ZNF676: variants seen among roughly 807,000 people sequenced by gnomAD.
ZNF676 encodes zinc finger protein 676.
In ZNF676, 4 loss-of-function variants were observed where a neutral mutation model predicts 6.0. The ratio of observed to expected loss-of-function variants is 0.67; its 90% CI spans 0.33 to 1.53. ZNF676 has a LOEUF of 1.53. Among genes scored for constraint, ZNF676 ranks in the 40% most tolerant of loss-of-function variants. The pLI is 0.06. For missense variants in ZNF676, 644 were observed against 679.7 expected, an observed-to-expected ratio of 0.95 and a Z score of 0.58; for synonymous variants, 198 against 223.1, an observed-to-expected ratio of 0.89 and a Z score of 1.00.
chr19:22,182,091 G>T (rs2023763654), intron 2 of ZNF676, among the ~76,000 whole-genome samples: 1 of 152,116 alleles, frequency 6.6e-6, no homozygotes, highest in Non-Finnish European at 1.5e-5. Flanking sequence ...GAGATCAAAG[G>T]TAAATGCACT....
At chr19:22,208,917 G>A (rs2024102422) in intron 1 of ZNF676, among the ~76,000 whole-genome samples, 1 of 151,720 alleles carries the variant, frequency 6.6e-6, no homozygotes, top group South Asian at 2.1e-4. Context: ...CTGCAGCCTG[G>A]GAAAGAAAGT....
At chr19:22,256,104 G>C in the ZNF676 span, among the ~76,000 whole-genome samples, 1 of 152,318 alleles carries the variant, frequency 6.6e-6, no homozygotes, top group Non-Finnish European at 1.5e-5. Context: ...ATAGGTGAGA[G>C]TGTGGTAATC....
chr19:22,246,899 G>T, the ZNF676 span, among the ~76,000 whole-genome samples: 1 of 152,198 alleles, frequency 6.6e-6, no homozygotes, highest in Non-Finnish European at 1.5e-5. Flanking sequence ...TATATTAGCT[G>T]CTCTGCCTAT....
At position 22,181,258 on chromosome 19, in the gene ZNF676, A is replaced by G. The variant is rs1442666869; in HGVS notation, c.459T>C (p.Leu153=). The part of the protein sequence containing the change: ...CKEYVRSFCM[L]SHLSQHERIY... Reference sequence around the variant, plus strand: ...TTCTTTCATGTTGAGATAGGTGTGAAAGCATGCAAAATGATCTGACATATT... The same window carrying G: ...TTCTTTCATGTTGAGATAGGTGTGAGAGCATGCAAAATGATCTGACATATT... The change falls in exon 3 of 3, where the codon CTT becomes CTC. Residue 153 remains leucine, a synonymous_variant. Transcript: ENST00000397121. The G allele has an allele frequency of 1.9e-6, 3 of 1,613,674 alleles. No homozygotes were observed. The highest frequency in any genetic ancestry group is 3.3e-5 in the Admixed American group (2 of 59,964).
At chr19:22,205,688 ATCC>A (rs1568534228) in intron 1 of ZNF676, among the ~76,000 whole-genome samples, 2 of 152,168 alleles carry the variant, frequency 1.3e-5, no homozygotes, top group African/African-American at 4.8e-5. Context: ...ATATCATTAA[ATCC>A]TCAGATCAAA....
At chr19:22,192,180 AAACT>A (rs1407317235) in intron 2 of ZNF676, among the ~76,000 whole-genome samples, 2 of 152,164 alleles carry the variant, frequency 1.3e-5, no homozygotes, top group African/African-American at 4.8e-5. Context: ...CCATACACTT[AAACT>A]ATCTGATAAA....
At chr19:22,222,075 G>A in the ZNF676 span, among the ~76,000 whole-genome samples, 1 of 151,606 alleles carries the variant, frequency 6.6e-6, no homozygotes. Context: ...TTATACTTCT[G>A]AAGCACAGAA....
At chr19:22,183,545 C>A (rs1023269095) in intron 2 of ZNF676, among the ~76,000 whole-genome samples, 1 of 107,254 alleles carries the variant, frequency 9.3e-6, no homozygotes, top group African/African-American at 4.1e-5. Context: ...ACAATGTTGG[C>A]CAGGCTGGTC....
upstream of ZNF676, among the ~76,000 whole-genome samples, chr19:22,217,339 G>A (rs2024202784): frequency 6.6e-6 from 1 of 152,108 alleles, no homozygotes; most frequent in African/African-American, 2.4e-5. Context: ...GAGTATCTGG[G>A]ATTATAGGCA....
chr19:22,207,615 C>G (rs977109296), intron 1 of ZNF676, among the ~76,000 whole-genome samples: 6 of 152,150 alleles, frequency 3.9e-5, no homozygotes, highest in African/African-American at 1.4e-4. Flanking sequence ...TCACATGGAA[C>G]CAAAAAAGAG....
chr19:22,192,530 A>T (rs2023920911), intron 2 of ZNF676, among the ~76,000 whole-genome samples: 2 of 152,146 alleles, frequency 1.3e-5, no homozygotes, highest in African/African-American at 4.8e-5. Flanking sequence ...GAAGGATATT[A>T]TACTTTATAA....
At chr19:22,214,467 C>T (rs1186161091) in intron 1 of ZNF676, among the ~76,000 whole-genome samples, 1 of 151,482 alleles carries the variant, frequency 6.6e-6, no homozygotes. Context: ...ATACAAGTGG[C>T]ACATGCCTGT....
chr19:22,249,369 C>T, the ZNF676 span, among the ~76,000 whole-genome samples: 3 of 152,190 alleles, frequency 2.0e-5, no homozygotes, highest in Admixed American at 1.3e-4. Flanking sequence ...TGTGTGTGAA[C>T]ATATTGGCTA....
chr19:22,232,415 C>G, the ZNF676 span, among the ~76,000 whole-genome samples: 1 of 152,184 alleles, frequency 6.6e-6, no homozygotes, highest in Non-Finnish European at 1.5e-5. Context: ...ATCTGCCTGC[C>G]TTGTCCTTCC....
chr19:22,222,278 T>C, the ZNF676 span, among the ~76,000 whole-genome samples: 1 of 152,078 alleles, frequency 6.6e-6, no homozygotes, highest in African/African-American at 2.4e-5. Context: ...CTAATTTTTG[T>C]GTTTTTTAGT....
intron 1 of ZNF676, among the ~76,000 whole-genome samples, chr19:22,210,718 C>A (rs1328553558): frequency 6.6e-6 from 1 of 152,140 alleles, no homozygotes; most frequent in Admixed American, 6.5e-5. Flanking sequence ...TGCATATTTT[C>A]TTTTCTCGTT....
intron 1 of ZNF676, chr19:22,203,112 C>T (rs1174281649): frequency 1.2e-5 from 2 of 162,848 alleles, no homozygotes; most frequent in East Asian, 1.9e-4. Flanking sequence ...GCCACAGCAG[C>T]ACTCCAGTGC....
chr19:22,246,316 A>G, the ZNF676 span, among the ~76,000 whole-genome samples: 207 of 152,058 alleles, frequency 1.4e-3, no homozygotes, highest in African/African-American at 4.7e-3. Context: ...CATGTAACCT[A>G]GGTGCTGGGT....
chr19:22,200,205 T>C (rs1286178311), upstream of ZNF676, among the ~76,000 whole-genome samples: 1 of 152,076 alleles, frequency 6.6e-6, no homozygotes, highest in Non-Finnish European at 1.5e-5. Context: ...CTGTAAATTT[T>C]ATATTACATA....
Sources: allele counts gnomAD v4.1 joint callset (sites outside exome capture counted in the v4.1 genomes callset), GRCh38; gene constraint gnomAD v4.1.1; transcripts MANE v1.5; gene names NCBI Gene and HGNC (gene_info 2026-07-23, HGNC 2026-07-21).